Variants in OTUD7A observed in about 807,000 individuals in gnomAD.
OTUD7A encodes the protein OTU deubiquitinase 7A, also known as OTU domain-containing protein 7A.
In OTUD7A, 12 loss-of-function variants were observed where a neutral mutation model predicts 65.7. That is an observed-to-expected ratio of 0.18 (90% confidence interval 0.12 to 0.30). OTUD7A has a LOEUF of 0.30. OTUD7A is among the 10% of genes least tolerant of loss of function. OTUD7A has a pLI of 1.00. For synonymous variants in OTUD7A, 641 were observed against 586.3 expected, an observed-to-expected ratio of 1.09 and a Z score of -1.35; for missense variants, 1,148 against 1,304.8, an observed-to-expected ratio of 0.88 and a Z score of 1.85.
rs398026753 is a variant in OTUD7A, at chr15:31,564,387, G to GTTTTTTTTTTTT, written c.332-5212_332-5201dup. On this transcript the variant is annotated intron_variant, in intron 4 of 12. Coordinates refer to ENST00000307050, the MANE Select transcript of OTUD7A (RefSeq NM_001382637.1). ...TTTTTGGAAGTAGTCTTTGAGGAAG[G>GTTTTTTTTTTTT]TTTTTTTTTTTTTAGCAAAAGAGAA... is the stretch of plus-strand genomic sequence containing the variant. Among the ~76,000 whole-genome samples, 233 of 119,880 alleles carry GTTTTTTTTTTTT rather than the reference G, an allele frequency of 1.9e-3. 12 individuals carry two copies. The highest frequency in any genetic ancestry group is 5.4e-3 in the African/African-American group (190 of 35,000). The allele number at this position is 119,880 out of a possible 152,430, so 78.6% of individuals were successfully genotyped here.
chr15:31,530,866 T>G, intron 5 of OTUD7A, 58 bp from the exon 6 acceptor site: 1 of 1,461,904 alleles, frequency 6.8e-7, no homozygotes, highest in South Asian at 1.2e-5. Context: ...CCACTGGGGG[T>G]GTTTGCTAAG....
intron 1 of OTUD7A, among the ~76,000 whole-genome samples, chr15:31,807,605 C>T (rs942931223): frequency 5.3e-5 from 8 of 152,086 alleles, no homozygotes; most frequent in African/African-American, 1.9e-4. Context: ...AAGTGCCTGT[C>T]GTGGATTTGG....
At chr15:31,661,251 G>C (rs1355625839) in intron 1 of OTUD7A, among the ~76,000 whole-genome samples, 1 of 152,158 alleles carries the variant, frequency 6.6e-6, no homozygotes, top group Admixed American at 6.5e-5. Context: ...ATCTACTGGG[G>C]TTTTGTCTTA....
At chr15:31,796,052 G>A (rs907232444) in intron 1 of OTUD7A, among the ~76,000 whole-genome samples, 1 of 152,136 alleles carries the variant, frequency 6.6e-6, no homozygotes, top group Non-Finnish European at 1.5e-5. Flanking sequence ...TAGAAGCAGA[G>A]AGTCACAGCA....
chr15:31,726,347 GCA>G (rs5811658), intron 1 of OTUD7A, among the ~76,000 whole-genome samples: 94,266 of 149,760 alleles, frequency 0.63, 29,857 homozygotes, highest in South Asian at 0.76. Context: ...ACACACACAC[GCA>G]CACACACACA....
chr15:31,595,905 C>A (rs1400397940), intron 3 of OTUD7A, among the ~76,000 whole-genome samples: 1 of 152,056 alleles, frequency 6.6e-6, no homozygotes, highest in East Asian at 1.9e-4. Context: ...TGGCCCCTTT[C>A]TCCATCCCCA....
rs1267589806 is a variant in OTUD7A at position 31,498,827 on chromosome 15, T to C, written c.1171+2863A>G. ...TATCTAAAAAGTCCTAAGATAAATT[T>C]GCAAAGCCTGGGCCACTGAGGTTGC... On this transcript the variant is annotated intron_variant, in intron 10 of 12. Coordinates refer to ENST00000307050, the MANE Select transcript of OTUD7A (RefSeq NM_001382637.1). This position sits in a 1 kb window ranked among gnomAD's most constrained non-coding sequence, Gnocchi z 4.2. 2.6e-5 allele frequency among the ~76,000 whole-genome samples: 4 copies of C among 152,224 alleles called. No homozygotes were observed. The East Asian group carries it at 7.7e-4, about 29-fold the overall frequency.
At chr15:31,616,484 G>A (rs1890590558) in intron 3 of OTUD7A, among the ~76,000 whole-genome samples, 1 of 152,150 alleles carries the variant, frequency 6.6e-6, no homozygotes, top group African/African-American at 2.4e-5. Context: ...TGACCCATGG[G>A]CCAATTCCAC....
chr15:31,549,058 C>G (rs1042701218), intron 5 of OTUD7A, among the ~76,000 whole-genome samples: 2 of 151,546 alleles, frequency 1.3e-5, no homozygotes, highest in African/African-American at 4.9e-5. Context: ...ATCGCTTGAA[C>G]CCGGGAGACA....
chr15:31,522,998 T>G (rs1032410560), intron 8 of OTUD7A, among the ~76,000 whole-genome samples: 3 of 152,100 alleles, frequency 2.0e-5, no homozygotes, highest in Non-Finnish European at 4.4e-5. Context: ...CCCTCATCCG[T>G]GGGGAACAGG....
At chr15:31,525,054 G>A (rs985260934) in intron 8 of OTUD7A, among the ~76,000 whole-genome samples, 2 of 152,188 alleles carry the variant, frequency 1.3e-5, no homozygotes, top group Admixed American at 1.3e-4. Flanking sequence ...CACTATCAAA[G>A]TCATCATTGC....
intron 1 of OTUD7A, among the ~76,000 whole-genome samples, chr15:31,844,788 A>C (rs1897259979): frequency 6.6e-6 from 1 of 152,234 alleles, no homozygotes; most frequent in Non-Finnish European, 1.5e-5. Flanking sequence ...CTGATGCCAC[A>C]TAGGTAGATG....
intron 1 of OTUD7A, among the ~76,000 whole-genome samples, chr15:31,854,186 G>C (rs1897502121): frequency 6.6e-6 from 1 of 152,152 alleles, no homozygotes. Flanking sequence ...ATGCTTTTTA[G>C]AGGCTGCCCT....
At chr15:31,508,316 G>A (rs2041614667) in intron 8 of OTUD7A, among the ~76,000 whole-genome samples, 1 of 152,038 alleles carries the variant, frequency 6.6e-6, no homozygotes, top group Non-Finnish European at 1.5e-5. Flanking sequence ...TCCTTCCCAG[G>A]CTGGCTTGAG....
chr15:31,594,437 T>C (rs1168588997), intron 3 of OTUD7A, among the ~76,000 whole-genome samples: 2 of 152,168 alleles, frequency 1.3e-5, no homozygotes, highest in Non-Finnish European at 2.9e-5. Flanking sequence ...GCTCTTTCCA[T>C]CTTATTTTAC....
chr15:31,639,174 C>T (rs1334169632), intron 3 of OTUD7A, among the ~76,000 whole-genome samples: 1 of 152,130 alleles, frequency 6.6e-6, no homozygotes, highest in Admixed American at 6.5e-5. Context: ...CTGCCCTCAG[C>T]CCTGTCTGAG....
chr15:31,613,735 TG>T (rs1463181880), intron 3 of OTUD7A, among the ~76,000 whole-genome samples: 2 of 130,368 alleles, frequency 1.5e-5, no homozygotes, highest in African/African-American at 6.6e-5. Context: ...GAAAACAGTA[TG>T]GAGATTCCTT....
chr15:31,767,064 T>A, intron 1 of OTUD7A: 2 of 1,593,298 alleles, frequency 1.3e-6, no homozygotes, highest in Non-Finnish European at 1.7e-6. Context: ...CACATCTTTC[T>A]TGAAATCCTG....
intron 8 of OTUD7A, among the ~76,000 whole-genome samples, chr15:31,521,691 G>A (rs1224033617): frequency 1.3e-5 from 2 of 152,092 alleles, no homozygotes; most frequent in South Asian, 2.1e-4. Flanking sequence ...AGCTACTTCC[G>A]AAAAAAGCTA....
Sources: allele counts gnomAD v4.1 joint callset (sites outside exome capture counted in the v4.1 genomes callset), GRCh38; gene constraint gnomAD v4.1.1; non-coding constraint Gnocchi (gnomAD v3.1); transcripts MANE v1.5; gene names NCBI Gene and HGNC (gene_info 2026-07-23, HGNC 2026-07-21).